CCDC7: variants seen among roughly 807,000 people sequenced by gnomAD.
CCDC7 encodes coiled-coil domain-containing protein 7.
A neutral mutation model predicts 196.9 loss-of-function variants in CCDC7; 183 were observed. The ratio of observed to expected loss-of-function variants is 0.93; its 90% confidence interval spans 0.82 to 1.05. The LOEUF is 1.05. Among genes scored for constraint, CCDC7 ranks in the 50% least tolerant of loss-of-function variants. The pLI, the probability that CCDC7 is intolerant of heterozygous loss-of-function variation, is 0.00. For synonymous variants in CCDC7, 525 were observed against 484.6 expected (o/e 1.08, Z -1.10); for missense variants, 1,540 against 1,482.2 (o/e 1.04, Z -0.64).
At chr10:32,700,924 G>C (rs776319528) in intron 24 of CCDC7, among the ~76,000 whole-genome samples, 4 of 152,218 alleles carry the variant, frequency 2.6e-5, no homozygotes, top group Non-Finnish European at 5.9e-5. Context: ...AGACTTTGCT[G>C]AAGTTGCTTA....
intron 20 of CCDC7, among the ~76,000 whole-genome samples, chr10:32,645,503 CTTT>C (rs35170235): frequency 0.069 from 4,484 of 65,188 alleles, 239 homozygotes; most frequent in African/African-American, 0.22. Context: ...GAGTCCATGT[CTTT>C]TTTTTTTTTT....
At chr10:32,661,331 G>A (rs1189794330) in intron 20 of CCDC7, among the ~76,000 whole-genome samples, 3 of 151,524 alleles carry the variant, frequency 2.0e-5, no homozygotes, top group Non-Finnish European at 2.9e-5. Flanking sequence ...AACAGGTGCT[G>A]GAGAGGATGT....
chr10:32,603,775 T>A (rs2061315524), intron 18 of CCDC7, among the ~76,000 whole-genome samples: 1 of 152,094 alleles, frequency 6.6e-6, no homozygotes, highest in African/African-American at 2.4e-5. Context: ...CTATTTAGAT[T>A]TTTTGCCCAA....
intron 41 of CCDC7, 71 bp downstream of exon 42, chr10:32,854,560 C>T: frequency 1.0e-6 from 1 of 981,404 alleles, no homozygotes; most frequent in Non-Finnish European, 1.5e-6. Flanking sequence ...CTCTATTTAC[C>T]AACCTCAAAC....
chr10:32,745,763 T>G lies in CCDC7; in HGVS notation c.2905+16306T>G, dbSNP rs149163820. Among the ~76,000 whole-genome samples the G allele has an allele frequency of 1.9e-3, 294 of 152,302 alleles. 3 individuals carry two copies. Among genetic ancestry groups the G allele is most frequent in the African/African-American group, 6.8e-3 (281 of 41,562 alleles). On this transcript the variant is annotated intron_variant, in intron 28 of 41. Transcript: ENST00000639629. ...GTTTGTCAATATTCACAAAATAACT[T>G]GCTGGGGTTTTGACTGGGATTACAT... is the stretch of plus-strand genomic sequence containing the variant.
chr10:32,716,047 A>G (rs1020373161), intron 25 of CCDC7, among the ~76,000 whole-genome samples: 6 of 152,320 alleles, frequency 3.9e-5, no homozygotes, highest in African/African-American at 1.4e-4. Context: ...CAGGAAATAC[A>G]GAGAACACCA....
intron 41 of CCDC7, 149 bp from the exon 43 acceptor site, chr10:32,876,198 T>A: frequency 1.8e-6 from 1 of 570,614 alleles, no homozygotes; most frequent in Non-Finnish European, 3.1e-6. Context: ...ATAAAAACAA[T>A]AGGTAGGTAG....
In CCDC7 at chr10:32,705,849, G is replaced by T. The variant is rs573741634; in HGVS notation, c.2459-5771G>T. ...CCTTAGAGACCTACAAAGAGACTTAGACTCCCACACAATAACAATGGGAGA... is the reference window on the plus strand; with the variant it reads ...CCTTAGAGACCTACAAAGAGACTTATACTCCCACACAATAACAATGGGAGA... On this transcript the variant is annotated intron_variant, in intron 24 of 41. Coordinates refer to ENST00000639629, the Ensembl canonical transcript of CCDC7. Among the ~76,000 whole-genome samples the T allele has an allele frequency of 3.3e-5, 5 of 152,188 alleles. No homozygotes were observed. In the South Asian group the frequency reaches 6.2e-4, roughly 19 times the overall value.
chr10:32,694,902 A>G, exon 24 of CCDC7: 1 of 1,599,230 alleles, frequency 6.3e-7, no homozygotes, highest in Non-Finnish European at 8.5e-7. Flanking sequence ...ACCAGGCAAA[A>G]ATCTTGTGCT....
chr10:32,452,158 A>G (rs143598096), intron 1 of CCDC7, among the ~76,000 whole-genome samples: 155 of 152,352 alleles, frequency 1.0e-3, no homozygotes, highest in Admixed American at 1.9e-3. Context: ...GACAACACAT[A>G]TGAAATGTCT....
intron 29 of CCDC7, among the ~76,000 whole-genome samples, chr10:32,780,909 A>G (rs59085293): frequency 0.15 from 22,784 of 152,146 alleles, 2,036 homozygotes; most frequent in African/African-American, 0.25. Context: ...ATGAACAAAA[A>G]TGACAAAACT....
At chr10:32,570,682 G>A (rs1049661724) in intron 15 of CCDC7, among the ~76,000 whole-genome samples, 1 of 152,180 alleles carries the variant, frequency 6.6e-6, no homozygotes, top group Non-Finnish European at 1.5e-5. Context: ...ACAAACATGA[G>A]TAATTTTCAT....
intron 33 of CCDC7, among the ~76,000 whole-genome samples, chr10:32,843,865 A>G (rs538412654): frequency 1.2e-4 from 18 of 152,040 alleles, no homozygotes; most frequent in Non-Finnish European, 2.2e-4. Flanking sequence ...ACTTATGGAA[A>G]ATATATTCTT....
chr10:32,750,569 C>A (rs1369154994), intron 28 of CCDC7, among the ~76,000 whole-genome samples: 1 of 152,058 alleles, frequency 6.6e-6, no homozygotes, highest in Non-Finnish European at 1.5e-5. Context: ...AGGGAAGAAA[C>A]CATGGAAATA....
At chr10:32,839,167 A>G (rs1056078526) in intron 33 of CCDC7, among the ~76,000 whole-genome samples, 1 of 151,938 alleles carries the variant, frequency 6.6e-6, no homozygotes, top group African/African-American at 2.4e-5. Flanking sequence ...AAATGACCTA[A>G]ATGCTGCACT....
At chr10:32,732,256 A>T (rs1249623314) in intron 28 of CCDC7, among the ~76,000 whole-genome samples, 2 of 152,172 alleles carry the variant, frequency 1.3e-5, no homozygotes, top group Non-Finnish European at 2.9e-5. Context: ...TCATATTACA[A>T]AACTTAATAC....
intron 9 of CCDC7, among the ~76,000 whole-genome samples, chr10:32,496,363 A>T (rs1193480278): frequency 6.6e-6 from 1 of 152,194 alleles, no homozygotes; most frequent in Non-Finnish European, 1.5e-5. Context: ...TTCCTAATTG[A>T]ATACACTTTA....
intron 41 of CCDC7, 62 bp from the exon 43 acceptor site, chr10:32,876,285 A>G (rs1482008117): frequency 6.4e-6 from 8 of 1,257,092 alleles, no homozygotes; most frequent in Non-Finnish European, 9.1e-6. Context: ...ATACAATAAA[A>G]ATTATATCAA....
chr10:32,798,232 T>G (rs2084028696), intron 29 of CCDC7, among the ~76,000 whole-genome samples: 1 of 152,178 alleles, frequency 6.6e-6, no homozygotes, highest in South Asian at 2.1e-4. Context: ...AGTAGCTGGC[T>G]GATCACCCCG....
Sources: gnomAD v4.1 joint callset for allele counts (sites outside exome capture counted in the v4.1 genomes callset) on GRCh38, gnomAD v4.1.1 for gene constraint, MANE v1.5 for transcripts, NCBI Gene and HGNC (gene_info 2026-07-23, HGNC 2026-07-21) for gene names.